CUBN: variants seen among roughly 807,000 people sequenced by gnomAD.
CUBN encodes cubilin.
In CUBN, 282 loss-of-function variants were observed where a neutral mutation model predicts 405.3. The ratio of observed to expected loss-of-function variants is 0.70; its 90% CI spans 0.63 to 0.77. The LOEUF is 0.77. Among genes scored for constraint, CUBN ranks in the 30% least tolerant of loss-of-function variants. The pLI is 0.00. For synonymous variants in CUBN, 1,684 were observed against 1,617.0 expected (o/e 1.04, Z -0.99); for missense variants, 4,514 against 4,475.2 (o/e 1.01, Z -0.25).
At chr10:16,847,755 C>A (rs1839562605) in intron 60 of CUBN, among the ~76,000 whole-genome samples, 1 of 152,190 alleles carries the variant, frequency 6.6e-6, no homozygotes, top group South Asian at 2.1e-4. Context: ...ACCGTAATTA[C>A]TCTCCAAGTC....
chr10:17,066,773 TAAAG>T (rs1319695848), intron 21 of CUBN, among the ~76,000 whole-genome samples: 3 of 151,828 alleles, frequency 2.0e-5, no homozygotes, highest in Non-Finnish European at 2.9e-5. Context: ...GAATGAGAAA[TAAAG>T]AAAATAAAAT....
At chr10:16,912,584 G>C (rs965122521) in intron 48 of CUBN, among the ~76,000 whole-genome samples, 1 of 152,182 alleles carries the variant, frequency 6.6e-6, no homozygotes, top group African/African-American at 2.4e-5. Context: ...GGATTAAAAG[G>C]CATTCGAGCA....
Position 16,900,726 on chromosome 10 carries a change from C to T in CUBN, c.8309G>A (p.Arg2770Lys). 6.2e-7 allele frequency: 1 copy of T among 1,614,108 alleles called. No individual in the cohort carries two copies. The highest frequency in any genetic ancestry group is 8.5e-7 in the Non-Finnish European group (1 of 1,180,010). ...IGQYCGNSNP[R>K]TIQSGSNQLV... ...CTGATTGGAACCTGACTGTATTGTC[C>T]TGGGGTTTGAATTTCCACAGTATTG... The change falls in exon 53 of 67, where the codon AGG becomes AAG. Residue 2770 changes from arginine (R) to lysine (K), a missense_variant. Transcript: ENST00000377833.
At chr10:16,853,644 C>T (rs1401418906) in intron 59 of CUBN, among the ~76,000 whole-genome samples, 2 of 152,190 alleles carry the variant, frequency 1.3e-5, no homozygotes, top group African/African-American at 2.4e-5. Context: ...AAGGCCCAGT[C>T]CCTGATATAT....
At position 17,050,886 on chromosome 10, in the gene CUBN, A is replaced by C. The variant is rs1308773483; in HGVS notation, c.3140-3283T>G. ...CACAAATATTCTTTAGCAAGTACAG[A>C]TATAAACCTATGCAGATACAAAGTA... is the stretch of plus-strand genomic sequence containing the variant. On this transcript the variant is annotated intron_variant, in intron 22 of 66. Transcript: ENST00000377833. Among the ~76,000 whole-genome samples, 3 of 152,170 alleles carry C rather than the reference A, an allele frequency of 2.0e-5. No homozygotes were observed. The East Asian group carries it at 5.8e-4, about 29-fold the overall frequency.
chr10:16,862,160 T>TCACACACACA (rs66664283), intron 59 of CUBN, among the ~76,000 whole-genome samples: 2,217 of 131,176 alleles, frequency 0.017, 32 homozygotes, highest in East Asian at 0.054. Context: ...TCTCTCTCTC[T>TCACACACACA]CACACACACA....
At chr10:16,957,065 A>G (rs1564446687) in intron 31 of CUBN, among the ~76,000 whole-genome samples, 2 of 152,170 alleles carry the variant, frequency 1.3e-5, no homozygotes, top group Non-Finnish European at 2.9e-5. Context: ...TTAACACACT[A>G]TAATATTTAT....
chr10:16,835,270 CA>C (rs1247208012), intron 63 of CUBN, 75 bp from the exon 64 acceptor site: 2 of 1,242,140 alleles, frequency 1.6e-6, no homozygotes, highest in Non-Finnish European at 2.4e-6. Context: ...AGGAATCATT[CA>C]AAAAGATCAT....
At chr10:16,829,825 G>T (rs577163248) in intron 65 of CUBN, among the ~76,000 whole-genome samples, 225 of 151,794 alleles carry the variant, frequency 1.5e-3, no homozygotes, top group African/African-American at 4.1e-3. Flanking sequence ...TTTTTGTTTG[G>T]TTGGTTTTTT....
intron 14 of CUBN, among the ~76,000 whole-genome samples, chr10:17,097,804 A>T (rs903502947): frequency 6.6e-6 from 1 of 152,346 alleles, no homozygotes; most frequent in African/African-American, 2.4e-5. Flanking sequence ...AAAGTATTTT[A>T]TATGTTTCAA....
intron 65 of CUBN, 99 bp from the exon 66 acceptor site, chr10:16,829,139 A>C: frequency 2.4e-6 from 2 of 841,948 alleles, no homozygotes; most frequent in Non-Finnish European, 4.0e-6. Flanking sequence ...AGGTGCTGAG[A>C]CTCTGCAAGA....
chr10:16,921,891 A>G (rs1441708183), intron 43 of CUBN, among the ~76,000 whole-genome samples: 1 of 152,166 alleles, frequency 6.6e-6, no homozygotes, highest in Non-Finnish European at 1.5e-5. Context: ...GGCATCTCCA[A>G]TGGAGGTAAT....
intron 28 of CUBN, among the ~76,000 whole-genome samples, chr10:17,006,386 C>G (rs1172042403): frequency 1.3e-5 from 2 of 152,118 alleles, no homozygotes; most frequent in African/African-American, 4.8e-5. Flanking sequence ...ACCCTCACAC[C>G]CTAAGGCATT....
At chr10:16,869,575 A>C in intron 59 of CUBN, 61 bp downstream of exon 59, 1 of 1,210,644 alleles carries the variant, frequency 8.3e-7, no homozygotes, top group Non-Finnish European at 1.2e-6. Context: ...GGGCGGGGAA[A>C]TTAAATAAAG....
intron 11 of CUBN, 65 bp from the exon 12 acceptor site, chr10:17,104,670 C>A: frequency 1.0e-6 from 1 of 991,338 alleles, no homozygotes; most frequent in Non-Finnish European, 1.6e-6. Flanking sequence ...TTAATCAACC[C>A]AAATAATAGG....
At chr10:17,044,400 C>A (rs1835078485) in intron 25 of CUBN, among the ~76,000 whole-genome samples, 1 of 151,064 alleles carries the variant, frequency 6.6e-6, no homozygotes, top group Non-Finnish European at 1.5e-5. Flanking sequence ...TATTTATAAA[C>A]TCAGGCCATA....
chr10:17,026,053 C>G (rs540977190), intron 27 of CUBN, among the ~76,000 whole-genome samples: 2 of 152,138 alleles, frequency 1.3e-5, no homozygotes, highest in Non-Finnish European at 2.9e-5. Context: ...CCTCCCTTCC[C>G]CTTTGGGTCC....
intron 64 of CUBN, among the ~76,000 whole-genome samples, chr10:16,831,845 T>G (rs1399710756): frequency 4.0e-5 from 4 of 100,062 alleles, no homozygotes; most frequent in Non-Finnish European, 8.9e-5. Flanking sequence ...TGTGTGTGTT[T>G]GTGTATGTGT....
intron 23 of CUBN, among the ~76,000 whole-genome samples, chr10:17,047,077 A>G (rs1415217911): frequency 1.3e-5 from 2 of 152,208 alleles, no homozygotes; most frequent in Non-Finnish European, 2.9e-5. Flanking sequence ...CCTAAAATTT[A>G]CATCGATTTT....
Sources: gnomAD v4.1 joint callset for allele counts (sites outside exome capture counted in the v4.1 genomes callset) on GRCh38, gnomAD v4.1.1 for gene constraint, MANE v1.5 for transcripts, NCBI Gene and HGNC (gene_info 2026-07-23, HGNC 2026-07-21) for gene names.